The following CPNE4 variants were observed in gnomAD, a reference collection of about 807,000 sequenced individuals.
The protein encoded by CPNE4 is copine 4, also known as copine-4.
A neutral mutation model predicts 67.9 loss-of-function variants in CPNE4; 25 were observed. That is an observed-to-expected ratio of 0.37 (90% CI 0.27 to 0.51). The LOEUF is 0.51. Ranked by LOEUF, CPNE4 falls within the 20% of genes least tolerant of loss-of-function variation. The pLI is 0.93. For missense variants in CPNE4, 464 were observed against 690.8 expected (o/e 0.67, Z 3.68); for synonymous variants, 242 against 244.9 (o/e 0.99, Z 0.11).
intron 2 of CPNE4, among the ~76,000 whole-genome samples, chr3:131,796,816 A>T (rs757602860): frequency 4.6e-5 from 7 of 152,246 alleles, no homozygotes; most frequent in Non-Finnish European, 1.0e-4. Flanking sequence ...TCACTGAAGC[A>T]GCTGGCAGGA....
chr3:131,746,737 G>C (rs543165670), intron 2 of CPNE4, among the ~76,000 whole-genome samples: 1 of 152,268 alleles, frequency 6.6e-6, no homozygotes, highest in East Asian at 1.9e-4. Flanking sequence ...AGAGATAGGA[G>C]TGCAGATATC....
At chr3:131,820,169 T>C (rs1361332187) in intron 2 of CPNE4, among the ~76,000 whole-genome samples, 1 of 152,218 alleles carries the variant, frequency 6.6e-6, no homozygotes, top group African/African-American at 2.4e-5. Flanking sequence ...TGAAAGCAGA[T>C]TCTGAGTTTA....
chr3:131,535,387 C>T, intron 15 of CPNE4, 58 bp from the exon 16 acceptor site: 2 of 1,541,842 alleles, frequency 1.3e-6, no homozygotes, highest in South Asian at 1.3e-5. Flanking sequence ...TCAGACTCAT[C>T]CTAAAAGATT....
Position 131,775,746 on chromosome 3 carries a change from G to T in CPNE4, c.181-52121C>A, listed in dbSNP as rs559679919. Among the ~76,000 whole-genome samples, 6 of 152,282 alleles carry T rather than the reference G, an allele frequency of 3.9e-5. No homozygotes were observed. The East Asian group carries it at 1.2e-3, about 29-fold the overall frequency. ...ACCTGTTTCTTTTGTAGATTGCCCAGTCTTGGGTATGTCTTTATCAGCAGC... is the reference window on the plus strand; with the variant it reads ...ACCTGTTTCTTTTGTAGATTGCCCATTCTTGGGTATGTCTTTATCAGCAGC... On this transcript the variant is annotated intron_variant, in intron 2 of 15. Transcript: ENST00000429747.
At chr3:131,717,918 C>CTT (rs879932656) in intron 3 of CPNE4, among the ~76,000 whole-genome samples, 2 of 134,386 alleles carry the variant, frequency 1.5e-5, no homozygotes, top group South Asian at 2.4e-4. Context: ...TTCTTTCTTT[C>CTT]TTTCTTTCTT....
intron 2 of CPNE4, among the ~76,000 whole-genome samples, chr3:131,787,627 G>A: frequency 6.6e-6 from 1 of 152,104 alleles, no homozygotes; most frequent in Non-Finnish European, 1.5e-5. Context: ...GGATCTGGGT[G>A]GTGCATCTCT....
chr3:131,737,110 T>G (rs1444648412), intron 2 of CPNE4, among the ~76,000 whole-genome samples: 49 of 143,940 alleles, frequency 3.4e-4, no homozygotes, highest in African/African-American at 1.2e-3. Context: ...TATGAAGTAT[T>G]GTGTCTTTTT....
intron 1 of CPNE4, among the ~76,000 whole-genome samples, chr3:131,943,864 C>G (rs2071471847): frequency 6.6e-6 from 1 of 152,158 alleles, no homozygotes; most frequent in Non-Finnish European, 1.5e-5. Context: ...CTTAAAGTCC[C>G]CTCAAACATA....
chr3:132,002,587 T>C (rs1583583610), intron 1 of CPNE4, among the ~76,000 whole-genome samples: 1 of 152,120 alleles, frequency 6.6e-6, no homozygotes, highest in Admixed American at 6.6e-5. Context: ...CTCAGGAAGT[T>C]TGCAGTTTGT....
At chr3:132,021,758 C>G (rs1180728722) in intron 1 of CPNE4, among the ~76,000 whole-genome samples, 1 of 152,134 alleles carries the variant, frequency 6.6e-6, no homozygotes, top group Non-Finnish European at 1.5e-5. Flanking sequence ...TCAAACCTCC[C>G]CATTCATAGA....
rs549727308 is a variant in CPNE4, at chr3:131,779,639, G to T, written c.181-56014C>A. Among the ~76,000 whole-genome samples the T allele has an allele frequency of 3.9e-4, 59 of 152,122 alleles. 1 individual carries two copies. The highest frequency in any genetic ancestry group is 1.3e-3 in the African/African-American group (52 of 41,546). On this transcript the variant is annotated intron_variant, in intron 2 of 15. Transcript: ENST00000429747. Reference sequence around the variant, plus strand: ...AATAACTGGCTACCCATATGCAGAAGATTGAAACTGGACCCTTACCTGTCA... The same window carrying T: ...AATAACTGGCTACCCATATGCAGAATATTGAAACTGGACCCTTACCTGTCA...
intron 1 of CPNE4, among the ~76,000 whole-genome samples, chr3:132,013,926 G>A (rs1209710630): frequency 2.0e-5 from 3 of 152,170 alleles, no homozygotes; most frequent in African/African-American, 2.4e-5. Context: ...TGCTGCTTAC[G>A]ATAATGCAAC....
intron 3 of CPNE4, among the ~76,000 whole-genome samples, chr3:131,715,575 A>G (rs1252166945): frequency 2.0e-5 from 3 of 152,238 alleles, no homozygotes; most frequent in Admixed American, 2.0e-4. Context: ...TAATAATGGT[A>G]GTGCCTACCT....
chr3:131,736,916 T>C (rs192821589), intron 2 of CPNE4, among the ~76,000 whole-genome samples: 1 of 152,226 alleles, frequency 6.6e-6, no homozygotes, highest in Non-Finnish European at 1.5e-5. Flanking sequence ...AGAAAATTAA[T>C]CTCAACAGAT....
intron 13 of CPNE4, 97 bp from the exon 14 acceptor site, chr3:131,550,177 A>G: frequency 8.0e-7 from 1 of 1,248,720 alleles, no homozygotes; most frequent in Non-Finnish European, 1.1e-6. Flanking sequence ...TATCCCAAAT[A>G]GTCCTTATCA....
chr3:131,805,335 T>A (rs1560355952), intron 2 of CPNE4, among the ~76,000 whole-genome samples: 1 of 152,334 alleles, frequency 6.6e-6, no homozygotes. Context: ...AAGAGATGGA[T>A]GGAAAAATTT....
rs35495075 is a variant in CPNE4 at position 131,777,378 on chromosome 3, G to GT, written c.181-53754dup. ...GAATCAGAGAAAATAGCATTTCAAG[G>GT]TTTTTTTTTTTTTTTTAGTTTCAAG... On this transcript the variant is annotated intron_variant, in intron 2 of 15. Transcript: ENST00000429747. 9.4e-3 allele frequency among the ~76,000 whole-genome samples: 1,338 copies of GT among 142,614 alleles called. 14 individuals carry two copies. Among genetic ancestry groups the GT allele is most frequent in the African/African-American group, 0.024 (956 of 39,100 alleles). The allele number at this position is 142,614 out of a possible 152,430, so 93.6% of individuals were successfully genotyped here.
At chr3:132,019,695 G>A (rs2073952824) in intron 1 of CPNE4, among the ~76,000 whole-genome samples, 1 of 152,152 alleles carries the variant, frequency 6.6e-6, no homozygotes, top group South Asian at 2.1e-4. Flanking sequence ...TGCAATATTA[G>A]CCAAATTCAT....
chr3:131,976,803 T>C (rs1171822092), intron 1 of CPNE4, among the ~76,000 whole-genome samples: 3 of 152,038 alleles, frequency 2.0e-5, no homozygotes, highest in East Asian at 3.9e-4. Flanking sequence ...ATCATTCTTT[T>C]TTTTTTTTCT....
Sources: gnomAD v4.1 joint callset for allele counts (sites outside exome capture counted in the v4.1 genomes callset) on GRCh38, gnomAD v4.1.1 for gene constraint, MANE v1.5 for transcripts, NCBI Gene and HGNC (gene_info 2026-07-23, HGNC 2026-07-21) for gene names.